Variants in GLIS3 observed in about 807,000 individuals in gnomAD.
GLIS3 encodes GLIS family zinc finger 3.
In GLIS3, 53 loss-of-function variants were observed where a neutral mutation model predicts 78.6. The ratio of observed to expected loss-of-function variants is 0.67; its 90% CI spans 0.54 to 0.85. The LOEUF is 0.85. Ranked by LOEUF, GLIS3 falls within the 40% of genes least tolerant of loss-of-function variation. GLIS3 has a pLI of 0.00. For synonymous variants in GLIS3, 684 were observed against 509.9 expected (o/e 1.34, Z -4.60); for missense variants, 1,703 against 1,231.1 (o/e 1.38, Z -5.74).
chr9:4,321,938 T>A (rs1186625999), intron 2 of GLIS3, among the ~76,000 whole-genome samples: 1 of 152,154 alleles, frequency 6.6e-6, no homozygotes, highest in Admixed American at 6.5e-5. Flanking sequence ...TGCAGGTTTG[T>A]TACATATGTA....
chr9:4,116,843 T>A (rs995934402), intron 4 of GLIS3, among the ~76,000 whole-genome samples: 1 of 152,230 alleles, frequency 6.6e-6, no homozygotes, highest in Non-Finnish European at 1.5e-5. Flanking sequence ...TAAACTAATA[T>A]AAAACACATG....
intron 4 of GLIS3, among the ~76,000 whole-genome samples, chr9:3,949,089 G>A (rs1816496429): frequency 1.3e-5 from 2 of 152,126 alleles, no homozygotes; most frequent in South Asian, 4.1e-4. Context: ...TATTCCCTCC[G>A]TGTAATTCCA....
the GLIS3 span, among the ~76,000 whole-genome samples, chr9:4,422,877 A>C: frequency 1.4e-4 from 22 of 152,310 alleles, no homozygotes; most frequent in African/African-American, 5.1e-4. Flanking sequence ...CTGAGATAGA[A>C]AAAGTAAACC....
chr9:4,208,099 C>G (rs542031758), intron 2 of GLIS3, among the ~76,000 whole-genome samples: 6 of 152,168 alleles, frequency 3.9e-5, no homozygotes, highest in South Asian at 2.1e-4. Context: ...GCAGGCCTAA[C>G]CAGGCCTGCA....
intron 2 of GLIS3, among the ~76,000 whole-genome samples, chr9:4,281,665 G>A (rs1161140227): frequency 6.6e-6 from 1 of 152,086 alleles, no homozygotes; most frequent in Non-Finnish European, 1.5e-5. Flanking sequence ...ATACCACATT[G>A]GGTTGTTTCT....
intron 2 of GLIS3, among the ~76,000 whole-genome samples, chr9:4,220,758 T>TA (rs1821263246): frequency 6.6e-6 from 1 of 151,094 alleles, no homozygotes; most frequent in African/African-American, 2.4e-5. Flanking sequence ...ATCATCAAAA[T>TA]AAAAAATAAA....
At chr9:3,967,040 A>AAC in intron 4 of GLIS3, among the ~76,000 whole-genome samples, 1 of 129,628 alleles carries the variant, frequency 7.7e-6, no homozygotes, top group Non-Finnish European at 1.6e-5. Context: ...AAAACAAAAA[A>AAC]ACATTTTGAG....
rs185796922 is a variant in GLIS3 at position 3,962,820 on chromosome 9, C to A, written c.1711-25631G>T. ...CCCCCACCCCGAAACCCTGCACTTT[C>A]AGGAGGAGTAAGCTAAAAACTTGGC... is the stretch of plus-strand genomic sequence containing the variant. On this transcript the variant is annotated intron_variant, in intron 4 of 10. Coordinates refer to ENST00000381971, the MANE Select transcript of GLIS3 (RefSeq NM_001042413.2). 1.7e-3 allele frequency among the ~76,000 whole-genome samples: 253 copies of A among 152,030 alleles called. 3 individuals carry two copies. The highest frequency in any genetic ancestry group is 6.8e-3 in the Middle Eastern group (2 of 294).
At chr9:4,437,238 T>G in the GLIS3 span, among the ~76,000 whole-genome samples, 3 of 152,234 alleles carry the variant, frequency 2.0e-5, no homozygotes, top group Admixed American at 6.5e-5. Flanking sequence ...TTTTGATTGC[T>G]GGACCCCCAA....
chr9:4,409,140 CA>C, the GLIS3 span, among the ~76,000 whole-genome samples: 1 of 152,158 alleles, frequency 6.6e-6, no homozygotes, highest in Non-Finnish European at 1.5e-5. Flanking sequence ...TAAATTTCTT[CA>C]TTTTCTGCTT....
intron 4 of GLIS3, among the ~76,000 whole-genome samples, chr9:4,090,195 A>T (rs1829380172): frequency 6.6e-6 from 1 of 152,120 alleles, no homozygotes; most frequent in African/African-American, 2.4e-5. Context: ...TCCCTTCTAC[A>T]CAGGCCCACT....
At chr9:4,468,697 G>A in the GLIS3 span, among the ~76,000 whole-genome samples, 2 of 152,170 alleles carry the variant, frequency 1.3e-5, no homozygotes, top group Non-Finnish European at 2.9e-5. Flanking sequence ...AATTTGTAAA[G>A]ACCACTAATG....
chr9:4,164,691 A>T (rs369248564), intron 2 of GLIS3, among the ~76,000 whole-genome samples: 3 of 152,310 alleles, frequency 2.0e-5, no homozygotes, highest in African/African-American at 7.2e-5. Context: ...TTAGATGGCA[A>T]AGAACATCCC....
intron 4 of GLIS3, among the ~76,000 whole-genome samples, chr9:4,005,582 A>C (rs1374327683): frequency 6.6e-6 from 1 of 152,192 alleles, no homozygotes; most frequent in Non-Finnish European, 1.5e-5. Flanking sequence ...GGATAAGAAT[A>C]GCACCTACTG....
chr9:4,111,231 G>A (rs1831187903), intron 4 of GLIS3, among the ~76,000 whole-genome samples: 1 of 152,080 alleles, frequency 6.6e-6, no homozygotes, highest in African/African-American at 2.4e-5. Context: ...AAACAAATAT[G>A]AACTAAAAGG....
intron 5 of GLIS3, among the ~76,000 whole-genome samples, chr9:3,933,469 T>A (rs973088233): frequency 3.9e-5 from 6 of 152,252 alleles, no homozygotes; most frequent in Non-Finnish European, 8.8e-5. Context: ...AGTTTGAGGC[T>A]ATGACTCTTC....
At chr9:4,327,374 T>C (rs1817616813) in intron 2 of GLIS3, among the ~76,000 whole-genome samples, 1 of 151,938 alleles carries the variant, frequency 6.6e-6, no homozygotes, top group South Asian at 2.1e-4. Flanking sequence ...GATATTGTGA[T>C]CCAGTTTGAG....
At chr9:4,318,398 G>A (rs865964182) in intron 2 of GLIS3, among the ~76,000 whole-genome samples, 2 of 152,170 alleles carry the variant, frequency 1.3e-5, no homozygotes, top group Admixed American at 6.5e-5. Context: ...AAGGAAGCAC[G>A]GAGAAATGGC....
chr9:3,998,760 TA>T (rs1216122963), intron 4 of GLIS3, among the ~76,000 whole-genome samples: 3 of 148,796 alleles, frequency 2.0e-5, no homozygotes, highest in Non-Finnish European at 4.5e-5. Context: ...TTATGTTTAT[TA>T]AAAATAATAT....
Sources: allele counts gnomAD v4.1 joint callset (sites outside exome capture counted in the v4.1 genomes callset), GRCh38; gene constraint gnomAD v4.1.1; transcripts MANE v1.5; gene names NCBI Gene and HGNC (gene_info 2026-07-23, HGNC 2026-07-21).